Variants in PAX2 observed in about 807,000 individuals in gnomAD.
PAX2 encodes the protein paired box protein Pax-2.
Under a neutral mutation model 41.7 loss-of-function variants are expected in PAX2, and 9 were observed. That is an observed-to-expected ratio of 0.22 (90% CI 0.13 to 0.38). The LOEUF (loss-of-function observed/expected upper bound fraction) is 0.38. Among genes scored for constraint, PAX2 ranks in the 10% least tolerant of loss-of-function variants. PAX2 has a pLI of 1.00. For synonymous variants in PAX2, 221 were observed against 212.7 expected (o/e 1.04, Z -0.34); for missense variants, 418 against 531.6 (o/e 0.79, Z 2.10).
chr10:100,737,433 A>T (rs1283169185), intron 1 of PAX2, among the ~76,000 whole-genome samples: 1 of 152,246 alleles, frequency 6.6e-6, no homozygotes, highest in African/African-American at 2.4e-5. Context: ...CGCGCGTGGC[A>T]CAGCGGCCAG....
chr10:100,799,928 G>C (rs1048463122), intron 5 of PAX2, among the ~76,000 whole-genome samples: 1 of 150,202 alleles, frequency 6.7e-6, no homozygotes, highest in African/African-American at 2.5e-5. Context: ...TGGGATTACA[G>C]GCGCCCACCA....
At chr10:100,816,301 C>T (rs974397348) in intron 7 of PAX2, among the ~76,000 whole-genome samples, 26 of 152,230 alleles carry the variant, frequency 1.7e-4, no homozygotes, top group African/African-American at 6.0e-4. Flanking sequence ...CGTCAGGTTA[C>T]GGGACCCTTT....
At chr10:100,802,643 T>A (rs1305156144) in intron 5 of PAX2, among the ~76,000 whole-genome samples, 1 of 151,768 alleles carries the variant, frequency 6.6e-6, no homozygotes, top group African/African-American at 2.4e-5. Context: ...CCCGGGAGAG[T>A]CTGAGTACCT....
chr10:100,805,024 ACAC>A, intron 5 of PAX2, among the ~76,000 whole-genome samples: 2 of 3,548 alleles, frequency 5.6e-4, no homozygotes, highest in African/African-American at 8.2e-4. Context: ...TCTCTCACAT[ACAC>A]ACACACACAC....
upstream of PAX2, among the ~76,000 whole-genome samples, chr10:100,741,604 C>T (rs553892424): frequency 3.7e-4 from 56 of 152,176 alleles, no homozygotes; most frequent in Non-Finnish European, 8.1e-4. Context: ...TGGGGTGCGC[C>T]GGGACCCAGA....
chr10:100,825,819 G>A (rs889827412), intron 8 of PAX2, among the ~76,000 whole-genome samples: 1 of 152,078 alleles, frequency 6.6e-6, no homozygotes, highest in African/African-American at 2.4e-5. Flanking sequence ...TAGAGGTGTG[G>A]GTAAAGGGAT....
rs756077842 is a variant in PAX2, at chr10:100,750,596, G to A, written c.213-98G>A. 59 of 1,096,616 alleles carry A rather than the reference G, an allele frequency of 5.4e-5. No homozygotes were observed. The highest frequency in any genetic ancestry group is 7.6e-5 in the Non-Finnish European group (56 of 736,864). 67.9% of individuals were successfully genotyped at this position (1,096,616 alleles called of 1,614,324 possible). On this transcript the variant is annotated intron_variant, in intron 2 of 9. Transcript: ENST00000355243. The surrounding 1 kb of genome is among the most constrained non-coding windows in gnomAD (Gnocchi z 4.1). ...CCTTTTCCCTCCACTCCGCTGCCTC[G>A]GCCGGGCAGGAGAGTGGCTCAGCAG...
In PAX2 at chr10:100,827,935, C is replaced by A. The variant is rs1038446108; in HGVS notation, c.*316C>A. 47 of 351,394 alleles carry A rather than the reference C, an allele frequency of 1.3e-4. No homozygotes were observed. Among genetic ancestry groups the A allele is most frequent in the Non-Finnish European group, 2.2e-4 (44 of 196,402 alleles). 21.8% of individuals were successfully genotyped at this position (351,394 alleles called of 1,614,324 possible). A position where few individuals can be genotyped will look rare whatever the true frequency, so the allele number is the denominator to read the frequency against. On this transcript the variant is annotated 3_prime_UTR_variant, in exon 10 of 10. Transcript: ENST00000355243. The surrounding 1 kb of genome is among the most constrained non-coding windows in gnomAD (Gnocchi z 8.5). Reference sequence around the variant, plus strand: ...CGGCCCAGCTCGTCCCGGCCTCCACCAAGCCAGCCCCGAAGCCCGCCAGCC... The same window carrying A: ...CGGCCCAGCTCGTCCCGGCCTCCACAAAGCCAGCCCCGAAGCCCGCCAGCC...
chr10:100,777,280 T>C lies in PAX2; in HGVS notation c.411-2218T>C, dbSNP rs1252191396. On this transcript the variant is annotated intron_variant, in intron 3 of 9. Coordinates refer to ENST00000355243, the MANE Select transcript of PAX2 (RefSeq NM_000278.5). The stretch of plus-strand genomic sequence containing the variant: ...CCACACCTGGCTAATTTTGTATTTT[T>C]AGTAGAGTTGGGGTTTCACCATGTT... Among the ~76,000 whole-genome samples the C allele has an allele frequency of 2.0e-5, 3 of 151,608 alleles. No individual in the cohort carries two copies. The South Asian group carries it at 6.3e-4, about 32-fold the overall frequency.
intron 1 of PAX2, chr10:100,749,475 G>A (rs1845350425): frequency 4.7e-6 from 6 of 1,289,422 alleles, no homozygotes; most frequent in African/African-American, 1.5e-5. Flanking sequence ...TCTGTCATCT[G>A]GTTTCTCTCC....
In PAX2 at chr10:100,750,854, G is replaced by A. The variant is rs1845414546; in HGVS notation, c.373G>A (p.Asp125Asn). Residue 125 changes from aspartate to asparagine, a missense_variant, in exon 3 of 10, where the codon GAC (aspartate) becomes AAC (asparagine). Around this residue, in one of 2 missense-constraint regions of PAX2, gnomAD observed 108 missense variants for 206.3 expected, o/e 0.52. Coordinates refer to ENST00000355243, the MANE Select transcript of PAX2 (RefSeq NM_000278.5). The surrounding 1 kb of genome is among the most constrained non-coding windows in gnomAD (Gnocchi z 4.1). The part of the protein sequence containing the change: ...RDRLLAEGIC[D>N]NDTVPSVSSI... ...CCGGCTCCTGGCCGAGGGCATCTGT[G>A]ACAATGACACAGTGCCCAGCGTCTC... 3 of 1,613,922 alleles carry A rather than the reference G, an allele frequency of 1.9e-6. No homozygotes were observed. Among genetic ancestry groups the A allele is most frequent in the Admixed American group, 3.3e-5 (2 of 60,018 alleles).
chr10:100,774,691 C>A (rs975838718), intron 3 of PAX2, among the ~76,000 whole-genome samples: 1 of 152,176 alleles, frequency 6.6e-6, no homozygotes, highest in Non-Finnish European at 1.5e-5. Context: ...ATAGTAATCA[C>A]ATTACATGGA....
At chr10:100,777,486 C>A (rs550945287) in intron 3 of PAX2, among the ~76,000 whole-genome samples, 1 of 151,080 alleles carries the variant, frequency 6.6e-6, no homozygotes, top group South Asian at 2.1e-4. Flanking sequence ...CCTCCGCCTC[C>A]CGGGTTCAAG....
chr10:100,746,840 G>A (rs1277461537), intron 1 of PAX2, among the ~76,000 whole-genome samples: 1 of 152,202 alleles, frequency 6.6e-6, no homozygotes, highest in African/African-American at 2.4e-5. Context: ...AGGACAATTG[G>A]GCAGAAGAGT....
At chr10:100,804,999 TTCTCTC>T (rs55900944) in intron 5 of PAX2, among the ~76,000 whole-genome samples, 4 of 93,680 alleles carry the variant, frequency 4.3e-5, no homozygotes, top group Admixed American at 1.1e-4. Flanking sequence ...CTCTCTCTCC[TTCTCTC>T]TCTCTCTCTC....
At chr10:100,797,506 A>G (rs149846537) in intron 5 of PAX2, among the ~76,000 whole-genome samples, 1 of 152,368 alleles carries the variant, frequency 6.6e-6, no homozygotes, top group East Asian at 1.9e-4. Flanking sequence ...AAGTGAGTTA[A>G]TATATGTAAG....
At chr10:100,779,622 C>A in intron 4 of PAX2, 39 bp downstream of exon 4, 1 of 1,476,036 alleles carries the variant, frequency 6.8e-7, no homozygotes, top group Non-Finnish European at 9.3e-7. Flanking sequence ...CCAGATCCCA[C>A]CTAGAGAAAG....
intron 3 of PAX2, among the ~76,000 whole-genome samples, chr10:100,760,413 T>C (rs976765578): frequency 3.9e-5 from 6 of 152,202 alleles, no homozygotes; most frequent in Admixed American, 2.0e-4. Flanking sequence ...GATGGGTCAA[T>C]GAACGGGGGT....
chr10:100,751,007 C>T, intron 3 of PAX2, 116 bp downstream of exon 3: 1 of 828,798 alleles, frequency 1.2e-6, no homozygotes. Context: ...CTCCCTGCTT[C>T]CAGCCCCAAA....
Sources: allele counts gnomAD v4.1 joint callset (sites outside exome capture counted in the v4.1 genomes callset), GRCh38; gene constraint gnomAD v4.1.1; regional missense constraint gnomAD v4.1.1; non-coding constraint Gnocchi (gnomAD v3.1); transcripts MANE v1.5; gene names NCBI Gene and HGNC (gene_info 2026-07-23, HGNC 2026-07-21).